The following PGPEP1L variants were observed in gnomAD, a reference collection of about 807,000 sequenced individuals.
PGPEP1L encodes the protein pyroglutamyl-peptidase I like.
PGPEP1L carries 7 observed loss-of-function variants against 6.0 expected under a neutral mutation model. The observed-to-expected ratio is 1.17, with a 90% CI of 0.66 to 2.19. The LOEUF is 2.19. PGPEP1L is among the 30% of genes most tolerant of loss of function. PGPEP1L has a pLI of 0.00. For missense variants in PGPEP1L, 209 were observed against 192.5 expected (o/e 1.09, Z -0.51); for synonymous variants, 103 against 83.9 (o/e 1.23, Z -1.24).
At chr15:98,981,071 C>T (rs1218478193) in intron 2 of PGPEP1L, among the ~76,000 whole-genome samples, 1 of 152,178 alleles carries the variant, frequency 6.6e-6, no homozygotes, top group Admixed American at 6.5e-5. Flanking sequence ...ATGAAAGTGA[C>T]ACTTTACCTC....
rs144477191 is a variant in PGPEP1L, at chr15:99,000,570, C to T, written c.-142+4859G>A. The stretch of plus-strand genomic sequence containing the variant: ...CAAGGTTTGTAAACACACCAATCAG[C>T]ACCCTGTGTCTAGCTCAGGGTTTGT... On this transcript the variant is annotated intron_variant, in intron 2 of 4. Coordinates refer to ENST00000535714, the MANE Select transcript of PGPEP1L (RefSeq NM_001167902.2). 4.0e-3 allele frequency among the ~76,000 whole-genome samples: 602 copies of T among 152,350 alleles called. 2 individuals are homozygous for T. Among genetic ancestry groups the T allele is most frequent in the Admixed American group, 7.0e-3 (107 of 15,304 alleles).
chr15:98,972,872 C>CAAAAAAAA lies in PGPEP1L; in HGVS notation c.-141-1722_-141-1715dup, dbSNP rs58126997. ...TGGGTGACAGAGTGAGACTCCGTCT[C>CAAAAAAAA]AAAAAAAAAAAAAAAAAAAAAAAAA... On this transcript the variant is annotated intron_variant, in intron 2 of 4. Coordinates refer to ENST00000535714, the MANE Select transcript of PGPEP1L (RefSeq NM_001167902.2). Among the ~76,000 whole-genome samples the CAAAAAAAA allele has an allele frequency of 6.6e-5, 3 of 45,688 alleles. 1 individual carries two copies. Among genetic ancestry groups the CAAAAAAAA allele is most frequent in the Non-Finnish European group, 1.1e-4 (3 of 26,832 alleles). 30.0% of individuals were successfully genotyped at this position (45,688 alleles called of 152,430 possible).
rs202088322 is a variant in PGPEP1L at position 98,971,140 on chromosome 15, G to T, written c.-123C>A. On this transcript the variant is annotated 5_prime_UTR_variant, in exon 3 of 5. It adds an upstream start codon to the 5' untranslated region. Transcript: ENST00000535714. ...AGCTGCACCACTGTTTCATTCCCCA[G>T]GCCCAGCTTGGAGAGCTCCTGAGGA... is the stretch of plus-strand genomic sequence containing the variant. 6.4e-7 allele frequency: 1 copy of T among 1,573,230 alleles called. No individual in the cohort carries two copies. The highest frequency in any genetic ancestry group is 8.6e-7 in the Non-Finnish European group (1 of 1,156,610).
chr15:98,971,191 T>C, intron 2 of PGPEP1L, 33 bp from the exon 3 acceptor site: 1 of 472,172 alleles, frequency 2.1e-6, no homozygotes, highest in Non-Finnish European at 3.0e-6. Context: ...TTGCCTCAGT[T>C]GATGGGGGGG....
intron 2 of PGPEP1L, among the ~76,000 whole-genome samples, chr15:98,985,360 G>A (rs937008369): frequency 2.0e-5 from 3 of 152,150 alleles, no homozygotes; most frequent in Non-Finnish European, 2.9e-5. Context: ...CCAACATGGT[G>A]AAACCTCATC....
intron 2 of PGPEP1L, among the ~76,000 whole-genome samples, chr15:98,981,358 C>T (rs7166192): frequency 0.098 from 14,890 of 151,744 alleles, 1,675 homozygotes; most frequent in African/African-American, 0.28. Context: ...GGCGTGCTGG[C>T]GGGCGCCTGT....
At chr15:98,996,538 GTGTGTGTGCA>G (rs1249391992) in intron 2 of PGPEP1L, among the ~76,000 whole-genome samples, 3 of 151,920 alleles carry the variant, frequency 2.0e-5, no homozygotes, top group African/African-American at 7.3e-5. Context: ...GTGTGTGTGT[GTGTGTGTGCA>G]TATGTATAGG....
chr15:98,979,722 C>G (rs940281251), intron 2 of PGPEP1L, among the ~76,000 whole-genome samples: 6 of 145,740 alleles, frequency 4.1e-5, no homozygotes, highest in Non-Finnish European at 1.5e-5. Context: ...ACAATCTTGG[C>G]TCACCGCAAC....
At chr15:98,977,545 A>G (rs2017588026) in intron 2 of PGPEP1L, among the ~76,000 whole-genome samples, 1 of 152,224 alleles carries the variant, frequency 6.6e-6, no homozygotes, top group African/African-American at 2.4e-5. Context: ...CAGAGAACAC[A>G]CTTTATGTGA....
At chr15:98,982,200 G>A (rs143760835) in intron 2 of PGPEP1L, among the ~76,000 whole-genome samples, 10 of 152,346 alleles carry the variant, frequency 6.6e-5, no homozygotes, top group African/African-American at 1.4e-4. Context: ...CATGTGGACC[G>A]TGGGGTCTCC....
intron 2 of PGPEP1L, among the ~76,000 whole-genome samples, chr15:98,987,194 A>AAAAAAG (rs2017759831): frequency 6.8e-6 from 1 of 146,174 alleles, no homozygotes; most frequent in African/African-American, 2.6e-5. Context: ...AAAAAAAAAA[A>AAAAAAG]AGAGAGCCAA....
intron 2 of PGPEP1L, among the ~76,000 whole-genome samples, chr15:98,981,083 G>A (rs542900021): frequency 3.7e-4 from 56 of 152,284 alleles, no homozygotes; most frequent in African/African-American, 1.3e-3. Context: ...CTTTACCTCT[G>A]TCTTCCTCCC....
At chr15:98,988,667 G>T (rs1555471754) in intron 2 of PGPEP1L, among the ~76,000 whole-genome samples, 1 of 1,126 alleles carries the variant, frequency 8.9e-4, no homozygotes, top group East Asian at 0.017. Context: ...CCTCCAGTGG[G>T]TCCCTGACCC....
At chr15:99,004,261 T>C (rs551104515) in intron 2 of PGPEP1L, among the ~76,000 whole-genome samples, 2 of 151,844 alleles carry the variant, frequency 1.3e-5, no homozygotes, top group Admixed American at 1.3e-4. Flanking sequence ...ATAAAATAAA[T>C]TGGGGGGTGT....
intron 2 of PGPEP1L, among the ~76,000 whole-genome samples, chr15:98,999,214 T>C (rs190256454): frequency 6.6e-6 from 1 of 152,014 alleles, no homozygotes; most frequent in African/African-American, 2.4e-5. Flanking sequence ...AGGCTTTGTA[T>C]ATAAAATACA....
intron 1 of PGPEP1L, among the ~76,000 whole-genome samples, 186 bp downstream of exon 1, chr15:99,007,173 C>A (rs1555473780): frequency 2.0e-5 from 3 of 152,188 alleles, no homozygotes; most frequent in African/African-American, 7.2e-5. Flanking sequence ...GCCATTTGCT[C>A]CCACTAGTCT....
chr15:98,975,253 A>G (rs2017551366), intron 2 of PGPEP1L, among the ~76,000 whole-genome samples: 1 of 152,218 alleles, frequency 6.6e-6, no homozygotes, highest in African/African-American at 2.4e-5. Context: ...TTTCACTCAT[A>G]TATGAAAGCT....
In PGPEP1L at chr15:99,000,295, G is replaced by A. The variant is rs193127328; in HGVS notation, c.-142+5134C>T. Reference sequence around the variant, plus strand: ...GCCATGCCGGAGCTCCCCCTCCTCCGTGGGCTCCTGTGCCAACGAGCCTCC... The same window carrying A: ...GCCATGCCGGAGCTCCCCCTCCTCCATGGGCTCCTGTGCCAACGAGCCTCC... On this transcript the variant is annotated intron_variant, in intron 2 of 4. Coordinates refer to ENST00000535714, the MANE Select transcript of PGPEP1L (RefSeq NM_001167902.2). Among the ~76,000 whole-genome samples, 575 of 152,088 alleles carry A rather than the reference G, an allele frequency of 3.8e-3. 4 individuals are homozygous for A. Among genetic ancestry groups the A allele is most frequent in the African/African-American group, 0.013 (537 of 41,556 alleles).
chr15:99,005,035 T>C (rs1555473457), intron 2 of PGPEP1L, among the ~76,000 whole-genome samples: 3 of 151,986 alleles, frequency 2.0e-5, no homozygotes, highest in African/African-American at 7.3e-5. Flanking sequence ...TCTGGGCGTA[T>C]AGATCCCTCT....
Sources: gnomAD v4.1 joint callset for allele counts (sites outside exome capture counted in the v4.1 genomes callset) on GRCh38, gnomAD v4.1.1 for gene constraint, MANE v1.5 for transcripts, NCBI Gene and HGNC (gene_info 2026-07-23, HGNC 2026-07-21) for gene names.